The following EGFLAM variants were observed in gnomAD, a reference collection of about 807,000 sequenced individuals.
EGFLAM encodes EGF like, fibronectin type III and laminin G domains, also known as pikachurin.
In EGFLAM, 79 loss-of-function variants were observed where a neutral mutation model predicts 113.1. That is an observed-to-expected ratio of 0.70 (90% CI 0.58 to 0.84). The LOEUF (loss-of-function observed/expected upper bound fraction) is 0.84, where lower values mean the gene tolerates loss of function less well. Ranked by LOEUF, EGFLAM falls within the 40% of genes least tolerant of loss-of-function variation. The probability of loss-of-function intolerance (pLI) is 0.00; values close to 1 mark genes in which losing one functional copy is unlikely to be tolerated. For missense variants in EGFLAM, 1,265 were observed against 1,291.6 expected (o/e 0.98, Z 0.32); for synonymous variants, 504 against 487.6 (o/e 1.03, Z -0.44).
chr5:38,408,894 G>A, intron 9 of EGFLAM, 110 bp from the exon 10 acceptor site: 3 of 897,162 alleles, frequency 3.3e-6, no homozygotes, highest in South Asian at 1.4e-5. Context: ...TTTGTAGATA[G>A]GATCGTGGAG....
chr5:38,307,840 C>T (rs1207948834), intron 1 of EGFLAM, among the ~76,000 whole-genome samples: 2 of 152,170 alleles, frequency 1.3e-5, no homozygotes, highest in African/African-American at 4.8e-5. Flanking sequence ...GATTTTCCAA[C>T]ATTTTTGACC....
At chr5:38,340,809 C>T (rs1739313923) in intron 3 of EGFLAM, among the ~76,000 whole-genome samples, 1 of 131,474 alleles carries the variant, frequency 7.6e-6, no homozygotes, top group South Asian at 2.4e-4. Context: ...CTCTCTCTCT[C>T]AATCTCTGTG....
intron 1 of EGFLAM, among the ~76,000 whole-genome samples, chr5:38,337,017 T>C (rs1295155751): frequency 6.6e-6 from 1 of 152,246 alleles, no homozygotes; most frequent in African/African-American, 2.4e-5. Context: ...TTACTTAAGA[T>C]AGATAGTAAA....
At chr5:38,400,623 T>A (rs1358060856) in intron 6 of EGFLAM, among the ~76,000 whole-genome samples, 1 of 152,236 alleles carries the variant, frequency 6.6e-6, no homozygotes, top group Non-Finnish European at 1.5e-5. Context: ...GTAGTGAGGC[T>A]TTAGTTCCAG....
At chr5:38,313,088 T>A (rs975296829) in intron 1 of EGFLAM, among the ~76,000 whole-genome samples, 6 of 151,960 alleles carry the variant, frequency 3.9e-5, no homozygotes, top group African/African-American at 1.4e-4. Flanking sequence ...CAAGACTCTG[T>A]CTCAAAAAAA....
chr5:38,407,731 C>T (rs959128598), intron 8 of EGFLAM, 74 bp from the exon 9 acceptor site: 28 of 1,096,772 alleles, frequency 2.6e-5, no homozygotes, highest in African/African-American at 1.6e-4. Context: ...ATTCAGGCAA[C>T]GTTGTATATT....
At chr5:38,454,028 T>C (rs943639614) in intron 19 of EGFLAM, among the ~76,000 whole-genome samples, 3 of 152,208 alleles carry the variant, frequency 2.0e-5, no homozygotes, top group African/African-American at 7.2e-5. Context: ...GGAGTTCTGA[T>C]TGTGATCTGT....
chr5:38,457,125 A>G (rs1348637066), intron 19 of EGFLAM, among the ~76,000 whole-genome samples: 2 of 152,220 alleles, frequency 1.3e-5, no homozygotes, highest in Non-Finnish European at 2.9e-5. Context: ...AGTTAAATGG[A>G]TAAGGGCAGA....
At chr5:38,348,907 T>C (rs1292457649) in intron 3 of EGFLAM, among the ~76,000 whole-genome samples, 1 of 152,174 alleles carries the variant, frequency 6.6e-6, no homozygotes, top group African/African-American at 2.4e-5. Flanking sequence ...TAGAATCACC[T>C]GGAGGGCTTT....
rs979029379 is a variant in EGFLAM at position 38,445,644 on chromosome 5, C to G, written c.2465-2657C>G. On this transcript the variant is annotated intron_variant, in intron 17 of 21. Coordinates refer to ENST00000322350, the MANE Select transcript of EGFLAM (RefSeq NM_152403.4). ...TTTGACAAGGACTGTGAAAGGCTGA[C>G]TCTCCCTGTTCTCTTTCATGCTGGC... The G allele has an allele frequency of 3.8e-6, 6 of 1,598,386 alleles. No homozygotes were observed. The African/African-American group carries it at 8.0e-5, about 21-fold the overall frequency.
intron 1 of EGFLAM, among the ~76,000 whole-genome samples, chr5:38,325,612 G>C (rs551643183): frequency 3.2e-4 from 48 of 152,308 alleles, no homozygotes; most frequent in African/African-American, 1.0e-3. Context: ...CTCTCAAATA[G>C]ATCTTTCTCT....
intron 1 of EGFLAM, among the ~76,000 whole-genome samples, chr5:38,313,860 A>C (rs1371815625): frequency 6.6e-6 from 1 of 152,184 alleles, no homozygotes; most frequent in Non-Finnish European, 1.5e-5. Flanking sequence ...GCACCATAAA[A>C]TGTTTTTGTC....
intron 6 of EGFLAM, among the ~76,000 whole-genome samples, chr5:38,378,839 C>T (rs980550627): frequency 3.3e-5 from 5 of 152,132 alleles, no homozygotes; most frequent in African/African-American, 1.2e-4. Flanking sequence ...AATCCTGAGA[C>T]AGGTGATATT....
At chr5:38,453,604 T>C (rs1200357956) in intron 19 of EGFLAM, among the ~76,000 whole-genome samples, 4 of 152,156 alleles carry the variant, frequency 2.6e-5, no homozygotes, top group Admixed American at 6.6e-5. Flanking sequence ...TCTGCCTTCC[T>C]GTCCTCCGTA....
intron 1 of EGFLAM, among the ~76,000 whole-genome samples, chr5:38,302,027 G>A (rs886925638): frequency 1.3e-5 from 2 of 152,072 alleles, no homozygotes; most frequent in Admixed American, 6.6e-5. Flanking sequence ...ATCACATGAG[G>A]TCAGGAGTTT....
chr5:38,425,769 G>A (rs1297939499), intron 13 of EGFLAM, among the ~76,000 whole-genome samples: 1 of 152,172 alleles, frequency 6.6e-6, no homozygotes, highest in African/African-American at 2.4e-5. Context: ...GTATCAGACT[G>A]AATTCAAAGC....
In EGFLAM at chr5:38,337,529, G is replaced by C. The variant is rs769186445; in HGVS notation, c.107G>C (p.Gly36Ala). Residue 36 changes from glycine to alanine, a missense_variant, in exon 2 of 22, where the codon GGG (glycine) becomes GCG (alanine). Gly to Ala is a moderately conservative substitution (Grantham distance 60). Coordinates refer to ENST00000322350, the MANE Select transcript of EGFLAM (RefSeq NM_152403.4). ...RAAIRKPGKV[G>A]PPLDIKLGAL... Reference sequence around the variant, plus strand: ...TTTTGTTTGGGGGCAGGCAAGGTAGGGCCTCCTCTTGACATCAAGCTGGGC... The same window carrying C: ...TTTTGTTTGGGGGCAGGCAAGGTAGCGCCTCCTCTTGACATCAAGCTGGGC... 3 of 1,598,616 alleles carry C rather than the reference G, an allele frequency of 1.9e-6. No individual in the cohort carries two copies. The African/African-American group carries it at 4.0e-5, about 21-fold the overall frequency.
intron 12 of EGFLAM, among the ~76,000 whole-genome samples, chr5:38,421,841 A>T (rs999067051): frequency 6.6e-6 from 1 of 152,072 alleles, no homozygotes; most frequent in Non-Finnish European, 1.5e-5. Flanking sequence ...GGCAGAGGGA[A>T]GGGCTTGTTC....
chr5:38,297,930 C>A (rs1373023192), intron 1 of EGFLAM, among the ~76,000 whole-genome samples: 2 of 152,196 alleles, frequency 1.3e-5, no homozygotes, highest in East Asian at 3.9e-4. Context: ...GGATCCACTC[C>A]CCATTACTGT....
Sources: gnomAD v4.1 joint callset for allele counts (sites outside exome capture counted in the v4.1 genomes callset) on GRCh38, gnomAD v4.1.1 for gene constraint, MANE v1.5 for transcripts, NCBI Gene and HGNC (gene_info 2026-07-23, HGNC 2026-07-21) for gene names.